FRAS1: variants seen among roughly 807,000 people sequenced by gnomAD.
The protein encoded by FRAS1 is Fraser extracellular matrix complex subunit 1, also known as extracellular matrix organizing protein FRAS1.
In FRAS1, 290 loss-of-function variants were observed where a neutral mutation model predicts 435.2. The ratio of observed to expected loss-of-function variants is 0.67; its 90% CI spans 0.61 to 0.73. The LOEUF (loss-of-function observed/expected upper bound fraction) is 0.73, where lower values mean the gene tolerates loss of function less well. Among genes scored for constraint, FRAS1 ranks in the 30% least tolerant of loss-of-function variants. The pLI is 0.00. For synonymous variants in FRAS1, 1,800 were observed against 1,851.0 expected (o/e 0.97, Z 0.71); for missense variants, 4,860 against 5,001.5 (o/e 0.97, Z 0.85).
chr4:78,281,513 A>G, intron 11 of FRAS1, 80 bp downstream of exon 11: 1 of 855,554 alleles, frequency 1.2e-6, no homozygotes, highest in Admixed American at 3.3e-5. Flanking sequence ...ATCATGGGGA[A>G]ACTTAGGACC....
At chr4:78,430,721 G>A (rs1235742071) in intron 37 of FRAS1, among the ~76,000 whole-genome samples, 4 of 152,056 alleles carry the variant, frequency 2.6e-5, no homozygotes, top group Admixed American at 6.6e-5. Context: ...CCATATGAGG[G>A]ATCAGCTGCC....
At chr4:78,363,490 C>T (rs759349116) in intron 20 of FRAS1, 23 bp from the exon 21 acceptor site, 12 of 1,594,138 alleles carry the variant, frequency 7.5e-6, no homozygotes, top group Non-Finnish European at 1.0e-5. Context: ...CGTGCCTTCT[C>T]TGTGCTCCCC....
intron 28 of FRAS1, among the ~76,000 whole-genome samples, chr4:78,385,219 C>T (rs574597819): frequency 1.6e-4 from 24 of 151,954 alleles, no homozygotes; most frequent in African/African-American, 5.6e-4. Context: ...ATTGAAGAGC[C>T]GAAATGTATG....
rs1739516307 is a variant in FRAS1 at position 78,057,464 on chromosome 4, G to C, written c.-546G>C. 6.5e-6 allele frequency: 1 copy of C among 153,994 alleles called. No homozygotes were observed. The highest frequency in any genetic ancestry group is 1.4e-5 in the Non-Finnish European group (1 of 69,212). 9.5% of individuals were successfully genotyped at this position (153,994 alleles called of 1,614,324 possible). A position where few individuals can be genotyped will look rare whatever the true frequency, so the allele number is the denominator to read the frequency against. Reference sequence around the variant, plus strand: ...CCAGCGAGCGGACCCCGGCAGATGAGGTCTGCCGAGCCGGGTGGCTCGACC... The same window carrying C: ...CCAGCGAGCGGACCCCGGCAGATGACGTCTGCCGAGCCGGGTGGCTCGACC... On this transcript the variant is annotated 5_prime_UTR_variant, in exon 1 of 74. Transcript: ENST00000512123. The surrounding 1 kb of genome is among the most constrained non-coding windows in gnomAD (Gnocchi z 4.2).
intron 14 of FRAS1, among the ~76,000 whole-genome samples, chr4:78,295,758 T>G (rs1728117137): frequency 6.6e-6 from 1 of 151,954 alleles, no homozygotes. Context: ...CTTTTTTTTT[T>G]TTTTTAGATG....
At chr4:78,467,047 C>T (rs1011864665) in intron 50 of FRAS1, among the ~76,000 whole-genome samples, 67 of 152,184 alleles carry the variant, frequency 4.4e-4, no homozygotes, top group African/African-American at 1.6e-3. Flanking sequence ...AATGGTGTAT[C>T]CATCCCTTCA....
intron 18 of FRAS1, among the ~76,000 whole-genome samples, chr4:78,328,972 T>G (rs946827136): frequency 1.3e-5 from 2 of 152,204 alleles, no homozygotes; most frequent in African/African-American, 4.8e-5. Context: ...CTCCCCATTC[T>G]GAGCCCAGAA....
chr4:78,472,549 G>A (rs944815427), intron 52 of FRAS1, among the ~76,000 whole-genome samples: 29 of 151,966 alleles, frequency 1.9e-4, no homozygotes, highest in African/African-American at 3.9e-4. Context: ...CACCTTTACC[G>A]TGCTTCCTCA....
At chr4:78,235,592 T>C (rs2110112722) in intron 2 of FRAS1, among the ~76,000 whole-genome samples, 1 of 152,274 alleles carries the variant, frequency 6.6e-6, no homozygotes, top group East Asian at 1.9e-4. Context: ...CCAAGGATAG[T>C]TCCCACTTCA....
intron 51 of FRAS1, among the ~76,000 whole-genome samples, chr4:78,471,140 C>T (rs910273366): frequency 2.1e-4 from 32 of 152,112 alleles, no homozygotes; most frequent in African/African-American, 5.6e-4. Context: ...CTCCTAATTT[C>T]GAAATTGGTC....
chr4:78,401,652 A>G (rs1238772760), intron 30 of FRAS1, among the ~76,000 whole-genome samples: 1 of 152,014 alleles, frequency 6.6e-6, no homozygotes, highest in African/African-American at 2.4e-5. Flanking sequence ...TTAAAGGGAC[A>G]GAGTAGAAAC....
At chr4:78,429,930 A>G (rs1281487301) in intron 36 of FRAS1, among the ~76,000 whole-genome samples, 2 of 152,194 alleles carry the variant, frequency 1.3e-5, no homozygotes, top group Non-Finnish European at 2.9e-5. Context: ...AGAAGGGACA[A>G]AACAATGAAA....
At chr4:78,291,361 A>G (rs1238812231) in intron 14 of FRAS1, among the ~76,000 whole-genome samples, 3 of 152,048 alleles carry the variant, frequency 2.0e-5, no homozygotes, top group Admixed American at 6.6e-5. Flanking sequence ...AGCAGCTGCA[A>G]CCTAGATCCC....
At chr4:78,360,946 G>T (rs2110293019) in intron 20 of FRAS1, among the ~76,000 whole-genome samples, 1 of 152,320 alleles carries the variant, frequency 6.6e-6, no homozygotes, top group Non-Finnish European at 1.5e-5. Context: ...GAAAGCATCT[G>T]TTAGATGCAA....
intron 20 of FRAS1, among the ~76,000 whole-genome samples, chr4:78,345,864 TA>T (rs5859617): frequency 0.63 from 93,723 of 148,662 alleles, 29,270 homozygotes; most frequent in Non-Finnish European, 0.66. Flanking sequence ...CTTCCTAAAT[TA>T]AAAAAAAAAA....
intron 2 of FRAS1, among the ~76,000 whole-genome samples, chr4:78,158,985 A>G (rs532074659): frequency 8.4e-4 from 128 of 152,314 alleles, no homozygotes; most frequent in African/African-American, 2.9e-3. Flanking sequence ...CTCATTGTCA[A>G]TTAGACAGTA....
intron 20 of FRAS1, among the ~76,000 whole-genome samples, chr4:78,354,023 T>TAAAAAAAAAAAAAAAAAAAAAAAAAAAAA: frequency 9.4e-6 from 1 of 106,056 alleles, no homozygotes; most frequent in South Asian, 5.4e-4. Flanking sequence ...AAAAATAAAA[T>TAAAAAAAAAAAAAAAAAAAAAAAAAAAAA]AAAAAAAAAA....
At chr4:78,089,378 A>G (rs2109894769) in intron 2 of FRAS1, among the ~76,000 whole-genome samples, 1 of 152,230 alleles carries the variant, frequency 6.6e-6, no homozygotes, top group Middle Eastern at 3.4e-3. Context: ...GTGTATACAT[A>G]TGTAACAAAC....
chr4:78,117,361 A>C (rs971326101), intron 2 of FRAS1, among the ~76,000 whole-genome samples: 1 of 152,004 alleles, frequency 6.6e-6, no homozygotes, highest in Non-Finnish European at 1.5e-5. Context: ...TATATTTCCT[A>C]CATTTGAATG....
Sources: gnomAD v4.1 joint callset for allele counts (sites outside exome capture counted in the v4.1 genomes callset) on GRCh38, gnomAD v4.1.1 for gene constraint, Gnocchi (gnomAD v3.1) non-coding constraint, MANE v1.5 for transcripts, NCBI Gene and HGNC (gene_info 2026-07-23, HGNC 2026-07-21) for gene names.